The following PPL variants were observed in gnomAD, a reference collection of about 807,000 sequenced individuals.
PPL encodes 190 kDa paraneoplastic pemphigus antigen.
In PPL, 198 loss-of-function variants were observed where a neutral mutation model predicts 194.4. The observed-to-expected ratio is 1.02, with a 90% CI of 0.91 to 1.15. The LOEUF is 1.15. PPL is among the 50% of genes most tolerant of loss of function. PPL has a pLI of 0.00. For missense variants in PPL, 2,885 were observed against 2,294.8 expected (o/e 1.26, Z -5.25); for synonymous variants, 1,220 against 972.4 (o/e 1.25, Z -4.74).
In PPL at chr16:4,910,935, T is replaced by C; in HGVS notation, c.77A>G (p.Glu26Gly). The C allele has an allele frequency of 2.5e-6, 4 of 1,612,858 alleles. No homozygotes were observed. The highest frequency in any genetic ancestry group is 3.4e-6 in the Non-Finnish European group (4 of 1,179,920). ...TVQTRSISNK[E>G]LSELIEQLQK... Reference sequence around the variant, plus strand: ...CAGCTGCTCGATCAGCTCCGAGAGCTCCTTGTTAGAGATGCTGCGGGCAGA... The same window carrying C: ...CAGCTGCTCGATCAGCTCCGAGAGCCCCTTGTTAGAGATGCTGCGGGCAGA... The change falls in exon 2 of 22, where the codon GAG becomes GGG. Residue 26 changes from glutamate to glycine, a missense_variant. Physicochemically the swap from Glu to Gly is moderately conservative, Grantham distance 98 (BLOSUM62 -2). Transcript: ENST00000345988.
In PPL at chr16:4,933,051, G is replaced by C. The variant is rs113388164; in HGVS notation, c.62+3933C>G. 2.2e-3 allele frequency among the ~76,000 whole-genome samples: 341 copies of C among 151,676 alleles called. 2 individuals carry two copies. Among genetic ancestry groups the C allele is most frequent in the African/African-American group, 8.0e-3 (329 of 41,312 alleles). On this transcript the variant is annotated intron_variant, in intron 1 of 21. Transcript: ENST00000345988. ...GAGTCTCACTCTTTTACCCAGGCTGGAGTGCAGTAGCACAATCTCAGCTCA... is the reference window on the plus strand; with the variant it reads ...GAGTCTCACTCTTTTACCCAGGCTGCAGTGCAGTAGCACAATCTCAGCTCA...
Position 4,937,062 on chromosome 16 carries a change from C to A in PPL, c.-17G>T, listed in dbSNP as rs753497928. On this transcript the variant is annotated 5_prime_UTR_variant, in exon 1 of 22. Transcript: ENST00000345988. ...CGAGTTCATGGTGGCGCTCGGGGTG[C>A]GGGCGGCGGCGGCTGGCGGGCCGGG... 10 of 1,385,040 alleles carry A rather than the reference C, an allele frequency of 7.2e-6. No homozygotes were observed. Among genetic ancestry groups the A allele is most frequent in the Non-Finnish European group, 6.6e-6 (7 of 1,061,864 alleles). The allele number at this position is 1,385,040 out of a possible 1,614,324, so 85.8% of individuals were successfully genotyped here.
chr16:4,885,169 C>T lies in PPL; in HGVS notation c.3486G>A (p.Glu1162=). 1 of 1,614,160 alleles carries T rather than the reference C, an allele frequency of 6.2e-7. No individual in the cohort carries two copies. The highest frequency in any genetic ancestry group is 8.5e-7 in the Non-Finnish European group (1 of 1,180,030). ...TELLRKIWAL[E]EENAKVVVQE... is the part of the protein sequence containing the mutation. The stretch of plus-strand genomic sequence containing the variant: ...GCACCACCACTTTGGCGTTCTCCTC[C>T]TCCAAGGCCCATATCTTTCGGAGCA... Residue 1162 remains glutamate, a synonymous_variant, in exon 22 of 22, where the codon GAG becomes GAA. Coordinates refer to ENST00000345988, the MANE Select transcript of PPL (RefSeq NM_002705.5). The surrounding 1 kb of genome is among the most constrained non-coding windows in gnomAD (Gnocchi z 6.3).
At position 4,927,037 on chromosome 16, in the gene PPL, C is replaced by T. The variant is rs527672586; in HGVS notation, c.62+9947G>A. On this transcript the variant is annotated intron_variant, in intron 1 of 21. Coordinates refer to ENST00000345988, the MANE Select transcript of PPL (RefSeq NM_002705.5). ...AACCAGGAAAAGAGCAAAATGGAAA[C>T]AAAGGGAAAGCATGATAAATAGGGC... is the stretch of plus-strand genomic sequence containing the variant. 1.1e-4 allele frequency among the ~76,000 whole-genome samples: 17 copies of T among 151,840 alleles called. No individual in the cohort carries two copies. The South Asian group carries it at 3.5e-3, about 32-fold the overall frequency.
At chr16:4,918,235 G>C (rs1158499031) in intron 1 of PPL, among the ~76,000 whole-genome samples, 1 of 151,242 alleles carries the variant, frequency 6.6e-6, no homozygotes, top group Non-Finnish European at 1.5e-5. Context: ...GGAGGTTGCA[G>C]TGAGCCGAGA....
In PPL at chr16:4,899,273, C is replaced by A. The variant is rs147518278; in HGVS notation, c.718G>T (p.Asp240Tyr). The A allele has an allele frequency of 2.5e-6, 4 of 1,613,756 alleles. No homozygotes were observed. Among genetic ancestry groups the A allele is most frequent in the African/African-American group, 2.7e-5 (2 of 74,924 alleles). The change falls in exon 7 of 22, where the codon GAC becomes TAC. Residue 240 changes from aspartate to tyrosine, a missense_variant. Physicochemically the swap from Asp to Tyr is radical, Grantham distance 160. Coordinates refer to ENST00000345988, the MANE Select transcript of PPL (RefSeq NM_002705.5). ...TAGTCGAGGTTGCGGTCACTCCAGT[C>A]GTACTGCATGCGGCCCTTGGCCTGC... ...DQQAKGRMQY[D>Y]WSDRNLDYPS...
chr16:4,897,587 C>T (rs995652317), intron 9 of PPL, 88 bp downstream of exon 9: 24 of 1,037,092 alleles, frequency 2.3e-5, no homozygotes, highest in African/African-American at 1.6e-4. Context: ...CCAAGGAGCA[C>T]GAGGCCACAC....
At chr16:4,909,797 G>C (rs933319980) in intron 2 of PPL, among the ~76,000 whole-genome samples, 2 of 152,116 alleles carry the variant, frequency 1.3e-5, no homozygotes, top group Admixed American at 1.3e-4. Context: ...ACTTACACTT[G>C]ATTTTCAGAT....
intron 1 of PPL, among the ~76,000 whole-genome samples, chr16:4,929,436 C>T (rs918628048): frequency 3.3e-5 from 5 of 152,084 alleles, no homozygotes; most frequent in African/African-American, 7.2e-5. Flanking sequence ...CTGTGCCCCA[C>T]GCCAGCTCGC....
chr16:4,933,419 G>C (rs1401047253), intron 1 of PPL, among the ~76,000 whole-genome samples: 2 of 152,114 alleles, frequency 1.3e-5, no homozygotes, highest in Non-Finnish European at 2.9e-5. Context: ...GAAGCGCTGG[G>C]GCTCAGGGAT....
At position 4,885,628 on chromosome 16, in the gene PPL, C is replaced by T. The variant is rs1056594061; in HGVS notation, c.3027G>A (p.Glu1009=). 8.7e-6 allele frequency: 14 copies of T among 1,612,864 alleles called. No homozygotes were observed. The East Asian group carries it at 1.1e-4, about 13-fold the overall frequency. The part of the protein sequence containing the change: ...RIEPDRAQAD[E]VLQLREELEA... ...CCAGCTCCTCCCGCAGCTGCAAGAC[C>T]TCATCCGCCTGGGCCCTGTCAGGCT... The change falls in exon 22 of 22, where the codon GAG becomes GAA. Residue 1009 remains glutamate (E), a synonymous_variant. Coordinates refer to ENST00000345988, the MANE Select transcript of PPL (RefSeq NM_002705.5). This position sits in a 1 kb window ranked among gnomAD's most constrained non-coding sequence, Gnocchi z 6.3.
intron 1 of PPL, among the ~76,000 whole-genome samples, chr16:4,931,687 T>C (rs8060402): frequency 0.044 from 6,634 of 152,214 alleles, 453 homozygotes; most frequent in African/African-American, 0.14. Context: ...ACGAGGAGCT[T>C]TGGAAGCTCT....
intron 2 of PPL, among the ~76,000 whole-genome samples, chr16:4,908,860 G>T (rs998850178): frequency 1.3e-5 from 2 of 152,170 alleles, no homozygotes; most frequent in African/African-American, 4.8e-5. Context: ...AATTCACTTT[G>T]TTATGCTTGT....
At chr16:4,927,454 AGGT>A (rs2089174074) in intron 1 of PPL, among the ~76,000 whole-genome samples, 1 of 152,248 alleles carries the variant, frequency 6.6e-6, no homozygotes, top group Admixed American at 6.5e-5. Flanking sequence ...AAAACTCCTC[AGGT>A]GATTCTAATG....
At chr16:4,920,542 C>T (rs551454279) in intron 1 of PPL, among the ~76,000 whole-genome samples, 2 of 152,194 alleles carry the variant, frequency 1.3e-5, no homozygotes, top group South Asian at 4.2e-4. Flanking sequence ...TGGCTCACTG[C>T]AACCTCCGTC....
intron 11 of PPL, among the ~76,000 whole-genome samples, chr16:4,895,029 A>C (rs1037262997): frequency 6.6e-6 from 1 of 152,106 alleles, no homozygotes; most frequent in African/African-American, 2.4e-5. Flanking sequence ...CTGGCCTGGG[A>C]CTTCTGAGGA....
In PPL at chr16:4,895,611, G is replaced by A. The variant is rs1482988813; in HGVS notation, c.1078C>T (p.Leu360=). The A allele has an allele frequency of 1.9e-6, 3 of 1,613,888 alleles. No individual in the cohort carries two copies. The highest frequency in any genetic ancestry group is 2.7e-5 in the African/African-American group (2 of 74,928). Residue 360 remains leucine, a synonymous_variant, in exon 10 of 22, where the codon CTG becomes TTG. Transcript: ENST00000345988. ...DFKDRYQIEL[L]LRELDDQEKV... ...TCGCTCACATCCAGCTCCCGCAGCA[G>A]CAGCTCAATCTGGTACCGGTCCTTG...
chr16:4,897,414 C>T (rs902388575), intron 9 of PPL, among the ~76,000 whole-genome samples: 1 of 151,710 alleles, frequency 6.6e-6, no homozygotes, highest in Non-Finnish European at 1.5e-5. Context: ...AAATTAAAAC[C>T]CTACACACTC....
In PPL at chr16:4,902,517, C is replaced by T. The variant is rs760695714; in HGVS notation, c.327G>A (p.Gln109=). 6 of 1,613,428 alleles carry T rather than the reference C, an allele frequency of 3.7e-6. No homozygotes were observed. The East Asian group carries it at 1.3e-4, about 36-fold the overall frequency. The change falls in exon 4 of 22, where the codon CAG becomes CAA. Residue 109 remains glutamine (Q), a synonymous_variant. Coordinates refer to ENST00000345988, the MANE Select transcript of PPL (RefSeq NM_002705.5). The surrounding 1 kb of genome is among the most constrained non-coding windows in gnomAD (Gnocchi z 4.0). ...QGDMIAEDIR[Q]LKERVTNLRG... ...GCAGGTTGGTCACACGCTCCTTCAG[C>T]TGGCGGATACTGATGGGAGAGAGGC... is the stretch of plus-strand genomic sequence containing the variant.
Sources: allele counts gnomAD v4.1 joint callset (sites outside exome capture counted in the v4.1 genomes callset), GRCh38; gene constraint gnomAD v4.1.1; non-coding constraint Gnocchi (gnomAD v3.1); transcripts MANE v1.5; gene names NCBI Gene and HGNC (gene_info 2026-07-23, HGNC 2026-07-21).